PTPRS: variants seen among roughly 807,000 people sequenced by gnomAD.
PTPRS encodes the protein protein tyrosine phosphatase receptor type S.
PTPRS carries 63 observed loss-of-function variants against 215.3 expected under a neutral mutation model. The ratio of observed to expected loss-of-function variants is 0.29; its 90% CI spans 0.24 to 0.36. PTPRS has a LOEUF of 0.36. Among genes scored for constraint, PTPRS ranks in the 10% least tolerant of loss-of-function variants. The probability of loss-of-function intolerance (pLI) is 1.00; values close to 1 mark genes in which losing one functional copy is unlikely to be tolerated. For missense variants in PTPRS, 2,258 were observed against 2,825.8 expected, an observed-to-expected ratio of 0.80 and a Z score of 4.56; for synonymous variants, 1,404 against 1,191.4, an observed-to-expected ratio of 1.18 and a Z score of -3.68.
chr19:5,233,013 A>G (rs4807700), intron 13 of PTPRS, among the ~76,000 whole-genome samples: 123,950 of 151,658 alleles, frequency 0.82, 51,189 homozygotes, highest in African/African-American at 0.96. Flanking sequence ...CACCTACTAT[A>G]TGCCAGGCAC....
intron 13 of PTPRS, among the ~76,000 whole-genome samples, chr19:5,234,294 G>C (rs959060321): frequency 1.3e-5 from 2 of 152,244 alleles, no homozygotes; most frequent in South Asian, 2.1e-4. Flanking sequence ...CCCATGTCTT[G>C]AGCACCTACT....
At chr19:5,218,322 G>A (rs1427029930) in intron 25 of PTPRS, 98 bp downstream of exon 25, 16 of 957,002 alleles carry the variant, frequency 1.7e-5, no homozygotes, top group Non-Finnish European at 2.5e-5. Flanking sequence ...GCATAGTTCA[G>A]AGGGGGCCAA....
chr19:5,322,418 A>C (rs2050048226), intron 1 of PTPRS, among the ~76,000 whole-genome samples: 1 of 152,148 alleles, frequency 6.6e-6, no homozygotes, highest in Admixed American at 6.5e-5. Flanking sequence ...GGCTATTTTA[A>C]AGGGGCTATT....
At position 5,274,329 on chromosome 19, in the gene PTPRS, A is replaced by C. The variant is rs2146602286; in HGVS notation, c.107T>G (p.Ile36Ser). ...GCAAEEPPRF[I>S]KEPKDQIGVS... The stretch of plus-strand genomic sequence containing the variant: ...GCCGATCTGGTCCTTGGGTTCTTTG[A>C]TAAACCTGGGGGGCTCTGGGGATAC... Residue 36 changes from isoleucine to serine, a missense_variant, in exon 3 of 38, where the codon ATC becomes AGC. This residue lies in a region of PTPRS where 508 missense variants were observed against 799.4 expected (regional missense o/e 0.64). Coordinates refer to ENST00000262963, the MANE Select transcript of PTPRS (RefSeq NM_002850.4). 1 of 1,592,866 alleles carries C rather than the reference A, an allele frequency of 6.3e-7. No individual in the cohort carries two copies. Among genetic ancestry groups the C allele is most frequent in the South Asian group, 1.1e-5 (1 of 90,654 alleles).
rs2050630012 is a variant in PTPRS, at chr19:5,339,813, G to A, written c.-95+851C>T. ...GCGTGCGGAACCCGCGGGGCTGGCGGTTCCAGGGGCGGCTTCCCCACTCTC... is the reference window on the plus strand; with the variant it reads ...GCGTGCGGAACCCGCGGGGCTGGCGATTCCAGGGGCGGCTTCCCCACTCTC... On this transcript the variant is annotated intron_variant, in intron 1 of 37. Transcript: ENST00000262963. The surrounding 1 kb of genome is among the most constrained non-coding windows in gnomAD (Gnocchi z 4.2). Among the ~76,000 whole-genome samples, 1 of 151,774 alleles carries A rather than the reference G, an allele frequency of 6.6e-6. No individual in the cohort carries two copies. The highest frequency in any genetic ancestry group is 1.5e-5 in the Non-Finnish European group (1 of 67,834).
Position 5,210,774 on chromosome 19 carries a change from G to A in PTPRS, c.5266C>T (p.Pro1756Ser), listed in dbSNP as rs1205450779. 1.9e-6 allele frequency: 3 copies of A among 1,614,062 alleles called. No individual in the cohort carries two copies. Among genetic ancestry groups the A allele is most frequent in the Non-Finnish European group, 2.5e-6 (3 of 1,180,034 alleles). Residue 1756 changes from proline (P) to serine (S), a missense_variant, in exon 34 of 38, where the codon CCG (proline) becomes TCG (serine). Coordinates refer to ENST00000262963, the MANE Select transcript of PTPRS (RefSeq NM_002850.4). The surrounding 1 kb of genome is among the most constrained non-coding windows in gnomAD (Gnocchi z 4.5). ...AAGTCTTCCGTGGTCTCCGCCAGCGGCCCCTGTGTCGCGATGTAGGCCTTC... is the reference window on the plus strand; with the variant it reads ...AAGTCTTCCGTGGTCTCCGCCAGCGACCCCTGTGTCGCGATGTAGGCCTTC... ...QQKAYIATQG[P>S]LAETTEDFWR...
intron 2 of PTPRS, among the ~76,000 whole-genome samples, chr19:5,281,466 A>C (rs1479139021): frequency 2.0e-5 from 3 of 152,178 alleles, no homozygotes; most frequent in Non-Finnish European, 4.4e-5. Flanking sequence ...GTCTCAAAAA[A>C]CAAACCACCA....
In PTPRS at chr19:5,318,212, T is replaced by A. The variant is rs368033727; in HGVS notation, c.-95+22452A>T. 6.0e-5 allele frequency among the ~76,000 whole-genome samples: 9 copies of A among 150,456 alleles called. No individual in the cohort carries two copies. The East Asian group carries it at 7.8e-4, about 13-fold the overall frequency. On this transcript the variant is annotated intron_variant, in intron 1 of 37. Coordinates refer to ENST00000262963, the MANE Select transcript of PTPRS (RefSeq NM_002850.4). Reference sequence around the variant, plus strand: ...GAAAATTAGCCAAGTGTGGTGGCGCTTGCCTGTAGTCCCAGCTACTCTAGA... The same window carrying A: ...GAAAATTAGCCAAGTGTGGTGGCGCATGCCTGTAGTCCCAGCTACTCTAGA...
At chr19:5,243,738 C>T (rs1051246174) in intron 11 of PTPRS, among the ~76,000 whole-genome samples, 163 bp downstream of exon 11, 5 of 152,206 alleles carry the variant, frequency 3.3e-5, no homozygotes, top group Non-Finnish European at 5.9e-5. Flanking sequence ...TCCCAAAGTA[C>T]TGAGATTACA....
chr19:5,268,945 T>G (rs911570609), intron 4 of PTPRS, among the ~76,000 whole-genome samples: 55 of 152,312 alleles, frequency 3.6e-4, no homozygotes, highest in African/African-American at 1.3e-3. Flanking sequence ...TCAGGCCTCT[T>G]GTCCATCCTT....
At chr19:5,322,166 G>A (rs1236503870) in intron 1 of PTPRS, among the ~76,000 whole-genome samples, 3 of 152,208 alleles carry the variant, frequency 2.0e-5, no homozygotes, top group African/African-American at 2.4e-5. Context: ...CTGAGCTGGC[G>A]TGAGCCTTTA....
At chr19:5,224,811 G>C (rs977227469) in intron 17 of PTPRS, among the ~76,000 whole-genome samples, 1 of 152,166 alleles carries the variant, frequency 6.6e-6, no homozygotes, top group African/African-American at 2.4e-5. Flanking sequence ...ACGCAGACAA[G>C]GTGCGTGAAG....
At position 5,231,475 on chromosome 19, in the gene PTPRS, C is replaced by G. The variant is rs1484148894; in HGVS notation, c.1990G>C (p.Glu664Gln). ...YSVRYRPLGS[E>Q]DPEPKEVNGI... Reference sequence around the variant, plus strand: ...TTCACCTCCTTGGGTTCCGGGTCCTCTGAGCCCAGCGGTCGGTAGCGGACG... The same window carrying G: ...TTCACCTCCTTGGGTTCCGGGTCCTGTGAGCCCAGCGGTCGGTAGCGGACG... Residue 664 changes from glutamate to glutamine, a missense_variant, in exon 14 of 38, where the codon GAG becomes CAG. Transcript: ENST00000262963. 5.0e-6 allele frequency: 8 copies of G among 1,612,852 alleles called. No homozygotes were observed. Among genetic ancestry groups the G allele is most frequent in the Non-Finnish European group, 6.8e-6 (8 of 1,179,916 alleles).
At chr19:5,331,456 C>T (rs2050323182) in intron 1 of PTPRS, among the ~76,000 whole-genome samples, 1 of 152,122 alleles carries the variant, frequency 6.6e-6, no homozygotes, top group South Asian at 2.1e-4. Context: ...TAAACCTCAG[C>T]ACAGTGTACA....
Position 5,231,627 on chromosome 19 carries a change from G to C in PTPRS, c.1850-12C>G. On this transcript the variant is annotated splice_polypyrimidine_tract_variant and intron_variant, in intron 13 of 37. Coordinates refer to ENST00000262963, the MANE Select transcript of PTPRS (RefSeq NM_002850.4). Reference sequence around the variant, plus strand: ...GGGGGCTGACGGTTCTATTGGAGGGGGGGAGAACGTGGGGGGGTGGGGAAG... The same window carrying C: ...GGGGGCTGACGGTTCTATTGGAGGGCGGGAGAACGTGGGGGGGTGGGGAAG... The C allele has an allele frequency of 1.6e-5, 2 of 126,732 alleles. No individual in the cohort carries two copies. The highest frequency in any genetic ancestry group is 2.9e-5 in the Non-Finnish European group (2 of 69,178). The allele number at this position is 126,732 out of a possible 1,614,324, so 7.9% of individuals were successfully genotyped here. A position where few individuals can be genotyped will look rare whatever the true frequency, so the allele number is the denominator to read the frequency against.
intron 1 of PTPRS, among the ~76,000 whole-genome samples, chr19:5,329,476 A>G (rs1419184469): frequency 2.6e-5 from 4 of 152,320 alleles, no homozygotes; most frequent in Non-Finnish European, 5.9e-5. Context: ...TTGTTTAAAA[A>G]TTATTAAGGC....
intron 1 of PTPRS, among the ~76,000 whole-genome samples, chr19:5,306,556 G>A (rs369545204): frequency 2.6e-5 from 4 of 152,126 alleles, no homozygotes; most frequent in African/African-American, 9.7e-5. Flanking sequence ...TCTCGCCTGT[G>A]GTAGGATCTT....
chr19:5,298,267 CTG>C (rs1349853171), intron 1 of PTPRS, among the ~76,000 whole-genome samples: 2 of 152,204 alleles, frequency 1.3e-5, no homozygotes, highest in Admixed American at 1.3e-4. Flanking sequence ...TTAGACACAG[CTG>C]TGTCCCTTCG....
intron 1 of PTPRS, among the ~76,000 whole-genome samples, chr19:5,308,590 A>G (rs1404716672): frequency 6.6e-6 from 1 of 152,188 alleles, no homozygotes; most frequent in Non-Finnish European, 1.5e-5. Context: ...TCACAGGGGC[A>G]GACTCCATGC....
Sources: allele counts gnomAD v4.1 joint callset (sites outside exome capture counted in the v4.1 genomes callset), GRCh38; gene constraint gnomAD v4.1.1; regional missense constraint gnomAD v4.1.1; non-coding constraint Gnocchi (gnomAD v3.1); transcripts MANE v1.5; gene names NCBI Gene and HGNC (gene_info 2026-07-23, HGNC 2026-07-21).